PDE10A: variants seen among roughly 807,000 people sequenced by gnomAD.
PDE10A encodes the protein phosphodiesterase 10A.
In PDE10A, 39 loss-of-function variants were observed where a neutral mutation model predicts 97.7. The ratio of observed to expected loss-of-function variants is 0.40; its 90% CI spans 0.31 to 0.52. The LOEUF (loss-of-function observed/expected upper bound fraction) is 0.52, where lower values mean the gene tolerates loss of function less well. PDE10A is among the 20% of genes least tolerant of loss of function. The pLI is 0.56. For synonymous variants in PDE10A, 371 were observed against 376.8 expected, an observed-to-expected ratio of 0.98 and a Z score of 0.18; for missense variants, 731 against 1,047.8, an observed-to-expected ratio of 0.70 and a Z score of 4.17.
intron 18 of PDE10A, among the ~76,000 whole-genome samples, chr6:165,364,644 A>T (rs569830792): frequency 6.6e-6 from 1 of 152,308 alleles, no homozygotes; most frequent in South Asian, 2.1e-4. Context: ...TGCATTTGCC[A>T]AAACTTAAAA....
intron 20 of PDE10A, among the ~76,000 whole-genome samples, chr6:165,336,841 T>C (rs566431850): frequency 3.1e-4 from 47 of 152,162 alleles, no homozygotes; most frequent in Middle Eastern, 3.4e-3. Context: ...GATCAGTCAG[T>C]TGATCATTCA....
At chr6:165,535,082 G>T (rs565505807) in intron 2 of PDE10A, among the ~76,000 whole-genome samples, 1 of 151,966 alleles carries the variant, frequency 6.6e-6, no homozygotes, top group South Asian at 2.1e-4. Context: ...ACTGATACAC[G>T]AATTCAGTAA....
At chr6:165,753,798 T>C (rs917742593) in intron 1 of PDE10A, among the ~76,000 whole-genome samples, 14 of 152,346 alleles carry the variant, frequency 9.2e-5, no homozygotes, top group Admixed American at 4.6e-4. Context: ...TTACACACAT[T>C]TTTTTCCATA....
intron 1 of PDE10A, among the ~76,000 whole-genome samples, chr6:165,982,812 T>C (rs911876459): frequency 6.6e-6 from 1 of 152,158 alleles, no homozygotes; most frequent in Admixed American, 6.5e-5. Context: ...CATTCAGTTA[T>C]AATCAACCAA....
intron 1 of PDE10A, among the ~76,000 whole-genome samples, chr6:165,760,767 C>T (rs1269975157): frequency 2.6e-5 from 4 of 152,126 alleles, no homozygotes; most frequent in Non-Finnish European, 5.9e-5. Context: ...ATGAGAAAAT[C>T]GAGTTCATAG....
intron 1 of PDE10A, among the ~76,000 whole-genome samples, chr6:165,826,497 C>G (rs1319749945): frequency 8.7e-6 from 1 of 115,266 alleles, no homozygotes; most frequent in African/African-American, 3.1e-5. Flanking sequence ...CCCTCTGTCC[C>G]TGTGTCCCTC....
At chr6:165,771,649 CAAGAT>C (rs1778012709) in intron 1 of PDE10A, among the ~76,000 whole-genome samples, 1 of 32,498 alleles carries the variant, frequency 3.1e-5, no homozygotes, top group African/African-American at 1.3e-4. Flanking sequence ...TCCAGTTTAA[CAAGAT>C]AAAAAAAAAA....
chr6:165,544,914 G>A (rs1783662418), intron 1 of PDE10A, among the ~76,000 whole-genome samples: 1 of 151,860 alleles, frequency 6.6e-6, no homozygotes. Context: ...CTGCAAAAGA[G>A]CCCCAGTGGT....
rs187141693 is a variant in PDE10A, at chr6:165,643,446, A to C, written c.865+18501T>G. On this transcript the variant is annotated intron_variant, in intron 1 of 21. Transcript: ENST00000539869. The stretch of plus-strand genomic sequence containing the variant: ...TGCCCTAGGAACAGAGCCTTTTCAG[A>C]TTGTCCCATCGTTTAGTACCCCAGA... Among the ~76,000 whole-genome samples the C allele has an allele frequency of 9.2e-5, 14 of 152,262 alleles. No individual in the cohort carries two copies. In the East Asian group the frequency reaches 2.7e-3, roughly 29 times the overall value.
chr6:165,726,551 C>T (rs1445129088), intron 1 of PDE10A, among the ~76,000 whole-genome samples: 1 of 150,630 alleles, frequency 6.6e-6, no homozygotes, highest in African/African-American at 2.4e-5. Context: ...AGCCACGATG[C>T]CCGAGGAGAG....
rs1583424677 is a variant in PDE10A at position 165,504,691 on chromosome 6, T to C, written c.995-22348A>G. ...TCATAAAATCTTACTAATATATTAC[T>C]AATAATAACCTAATATATTAACATA... On this transcript the variant is annotated intron_variant, in intron 2 of 21. Coordinates refer to ENST00000539869, the MANE Select transcript of PDE10A (RefSeq NM_001385079.1). Among the ~76,000 whole-genome samples the C allele has an allele frequency of 2.0e-5, 3 of 152,236 alleles. No homozygotes were observed. In the South Asian group the frequency reaches 6.2e-4, roughly 32 times the overall value.
At position 165,511,291 on chromosome 6, in the gene PDE10A, T is replaced by C. The variant is rs113644499; in HGVS notation, c.995-28948A>G. Among the ~76,000 whole-genome samples the C allele has an allele frequency of 1.0e-3, 155 of 152,156 alleles. No individual in the cohort carries two copies. In the Middle Eastern group the frequency reaches 0.01, roughly 10 times the overall value. On this transcript the variant is annotated intron_variant, in intron 2 of 21. Coordinates refer to ENST00000539869, the MANE Select transcript of PDE10A (RefSeq NM_001385079.1). Reference sequence around the variant, plus strand: ...AATTTCTTCATTGACCCAATGGTTATTTGGGAGTATCTTGTTTAATTTCCA... The same window carrying C: ...AATTTCTTCATTGACCCAATGGTTACTTGGGAGTATCTTGTTTAATTTCCA...
intron 1 of PDE10A, among the ~76,000 whole-genome samples, chr6:165,726,079 C>T (rs1307062901): frequency 3.3e-5 from 5 of 152,142 alleles, no homozygotes; most frequent in Admixed American, 2.6e-4. Flanking sequence ...TAGACAAGAA[C>T]ATAATATGTT....
At chr6:165,767,189 C>A (rs552487707) in intron 1 of PDE10A, among the ~76,000 whole-genome samples, 70 of 151,732 alleles carry the variant, frequency 4.6e-4, no homozygotes, top group African/African-American at 1.6e-3. Flanking sequence ...CAGGTGGCAC[C>A]GAAAAAAAGT....
intron 19 of PDE10A, among the ~76,000 whole-genome samples, 188 bp downstream of exon 19, chr6:165,343,203 G>GT (rs2128180733): frequency 6.6e-6 from 1 of 152,308 alleles, no homozygotes; most frequent in South Asian, 2.1e-4. Flanking sequence ...AGACACACAT[G>GT]TAAGTAATAT....
At chr6:165,926,437 C>T (rs533258640) in intron 1 of PDE10A, among the ~76,000 whole-genome samples, 2 of 152,314 alleles carry the variant, frequency 1.3e-5, no homozygotes, top group Admixed American at 1.3e-4. Context: ...TGTCTAAATT[C>T]TCAGAGGCAA....
In PDE10A at chr6:165,679,709, C is replaced by T. The variant is rs114584533; in HGVS notation, c.-614-136141G>A. Among the ~76,000 whole-genome samples, 288 of 152,322 alleles carry T rather than the reference C, an allele frequency of 1.9e-3. 1 individual carries two copies. The highest frequency in any genetic ancestry group is 6.7e-3 in the African/African-American group (278 of 41,566). ...TTGCGACCTACAGAAACGGTTCAAG[C>T]CTCATCCATCGCTGTGATGTCTTTC... On this transcript the variant is annotated intron_variant, in intron 1 of 19. Transcript: ENST00000366882.
chr6:165,841,103 T>C (rs1242112797), intron 1 of PDE10A, among the ~76,000 whole-genome samples: 2 of 152,268 alleles, frequency 1.3e-5, no homozygotes, highest in Non-Finnish European at 2.9e-5. Flanking sequence ...ATTAATTTAA[T>C]TTAAGGACTT....
At chr6:165,472,770 A>G (rs545756123) in intron 3 of PDE10A, among the ~76,000 whole-genome samples, 1 of 152,306 alleles carries the variant, frequency 6.6e-6, no homozygotes, top group Admixed American at 6.5e-5. Flanking sequence ...AGGAAATACA[A>G]TTAGTTAACA....
Sources: gnomAD v4.1 joint callset for allele counts (sites outside exome capture counted in the v4.1 genomes callset) on GRCh38, gnomAD v4.1.1 for gene constraint, MANE v1.5 for transcripts, NCBI Gene and HGNC (gene_info 2026-07-23, HGNC 2026-07-21) for gene names.